Variants in AHRR observed in about 807,000 individuals in gnomAD.
AHRR encodes the protein aryl hydrocarbon receptor repressor.
A neutral mutation model predicts 44.0 loss-of-function variants in AHRR; 28 were observed. The ratio of observed to expected loss-of-function variants is 0.64; its 90% CI spans 0.47 to 0.87. The LOEUF is 0.87. Ranked by LOEUF, AHRR falls within the 40% of genes least tolerant of loss-of-function variation. The probability of loss-of-function intolerance (pLI) is 0.00; values close to 1 mark genes in which losing one functional copy is unlikely to be tolerated. For missense variants in AHRR, 990 were observed against 953.9 expected, an observed-to-expected ratio of 1.04 and a Z score of -0.50; for synonymous variants, 434 against 407.0, an observed-to-expected ratio of 1.07 and a Z score of -0.80.
At position 344,861 on chromosome 5, in the gene AHRR, A is replaced by G. The variant is rs1249310246; in HGVS notation, c.62+897A>G. On this transcript the variant is annotated intron_variant, in intron 2 of 10. Transcript: ENST00000684583. Reference sequence around the variant, plus strand: ...GAGCTGTGTGTGTGGGGTGTGTGAGACTGTGCAGGTGTGCAGGTGTGCGAA... The same window carrying G: ...GAGCTGTGTGTGTGGGGTGTGTGAGGCTGTGCAGGTGTGCAGGTGTGCGAA... 3.2e-4 allele frequency among the ~76,000 whole-genome samples: 23 copies of G among 72,904 alleles called. 3 individuals are homozygous for G. The highest frequency in any genetic ancestry group is 4.6e-4 in the African/African-American group (4 of 8,760). 47.8% of individuals were successfully genotyped at this position (72,904 alleles called of 152,430 possible).
Position 370,539 on chromosome 5 carries a change from G to C in AHRR, c.245-6071G>C, listed in dbSNP as rs987858857. Among the ~76,000 whole-genome samples, 1 of 152,200 alleles carries C rather than the reference G, an allele frequency of 6.6e-6. No individual in the cohort carries two copies. On this transcript the variant is annotated intron_variant, in intron 3 of 10. Coordinates refer to ENST00000684583, the MANE Select transcript of AHRR (RefSeq NM_001377236.1). The surrounding 1 kb of genome is among the most constrained non-coding windows in gnomAD (Gnocchi z 4.5). ...GGTCATCCGCCACCCCCAGGACCCT[G>C]AGAGTCTCACAGTGGGTGCAGCCCC...
chr5:403,711 C>A, intron 4 of AHRR: 3 of 822,228 alleles, frequency 3.6e-6, no homozygotes, highest in Admixed American at 2.4e-5. Flanking sequence ...CTCTCAGAGG[C>A]ATATTTTTCC....
chr5:343,902 G>T lies in AHRR; in HGVS notation c.-1G>T, dbSNP rs1257488327. On this transcript the variant is annotated 5_prime_UTR_variant, in exon 2 of 11. Coordinates refer to ENST00000684583, the MANE Select transcript of AHRR (RefSeq NM_001377236.1). ...CCCCCTTGTCTTCCAGGCCGAGGAC[G>T]ATGATCCCGCCGGGGGAGTGCACGT... The T allele has an allele frequency of 6.2e-7, 1 of 1,600,304 alleles. No homozygotes were observed. The highest frequency in any genetic ancestry group is 2.3e-5 in the East Asian group (1 of 43,124).
At chr5:343,548 G>T in intron 1 of AHRR, 2 of 326,720 alleles carry the variant, frequency 6.1e-6, no homozygotes, top group South Asian at 4.3e-5. Context: ...GCCCCGCCCC[G>T]CCCGTTCCTG....
intron 3 of AHRR, among the ~76,000 whole-genome samples, chr5:368,787 G>A (rs1743463845): frequency 6.6e-6 from 1 of 152,232 alleles, no homozygotes; most frequent in African/African-American, 2.4e-5. Context: ...AGAAACGCGT[G>A]GGCACTGCCA....
chr5:350,629 G>T (rs552250450), intron 2 of AHRR, among the ~76,000 whole-genome samples: 1 of 152,100 alleles, frequency 6.6e-6, no homozygotes. Context: ...GTTTTCTGGG[G>T]AGGTCTTGGG....
intron 2 of AHRR, among the ~76,000 whole-genome samples, chr5:345,030 G>T (rs984475731): frequency 7.0e-6 from 1 of 142,038 alleles, no homozygotes; most frequent in Admixed American, 7.0e-5. Flanking sequence ...GTGCGAGGGG[G>T]ACTATGTGTG....
In AHRR at chr5:419,567, C is replaced by T. The variant is rs557539892; in HGVS notation, c.442-3162C>T. 2.8e-4 allele frequency among the ~76,000 whole-genome samples: 43 copies of T among 152,132 alleles called. No homozygotes were observed. Among genetic ancestry groups the T allele is most frequent in the Non-Finnish European group, 4.4e-4 (30 of 68,016 alleles). On this transcript the variant is annotated intron_variant, in intron 5 of 10. Coordinates refer to ENST00000684583, the MANE Select transcript of AHRR (RefSeq NM_001377236.1). This position sits in a 1 kb window ranked among gnomAD's most constrained non-coding sequence, Gnocchi z 4.4. ...TTGCCTCTGGATGCTGGTTCCTCTG[C>T]GTTTCACTTCTAAAAAACTGGCCCT...
At position 337,927 on chromosome 5, in the gene AHRR, A is replaced by G. The variant is rs1284547343; in HGVS notation, c.-10-5966A>G. 6.6e-6 allele frequency among the ~76,000 whole-genome samples: 1 copy of G among 152,244 alleles called. No individual in the cohort carries two copies. Among genetic ancestry groups the G allele is most frequent in the East Asian group, 1.9e-4 (1 of 5,200 alleles). ...TCCTGCTGGGCTCCTCTAGGACCGT[A>G]TTCAGGCCAGTGCAACATCATGCCC... On this transcript the variant is annotated intron_variant, in intron 1 of 10. Transcript: ENST00000684583. This position sits in a 1 kb window ranked among gnomAD's most constrained non-coding sequence, Gnocchi z 4.1.
At chr5:376,553 G>C in intron 3 of AHRR, 57 bp from the exon 4 acceptor site, 3 of 298,208 alleles carry the variant, frequency 1.0e-5, no homozygotes, top group Non-Finnish European at 1.6e-5. Context: ...TGTGAATGAA[G>C]AAGAGTGGCC....
intron 1 of AHRR, among the ~76,000 whole-genome samples, chr5:333,501 C>T (rs1358136328): frequency 1.3e-5 from 2 of 151,936 alleles, no homozygotes; most frequent in Non-Finnish European, 2.9e-5. Flanking sequence ...GAGGCTGGGG[C>T]AGGAGAGTCA....
chr5:340,688 A>ATATATATATATATATATATTT (rs1269938749), intron 1 of AHRR, among the ~76,000 whole-genome samples: 1 of 12,928 alleles, frequency 7.7e-5, no homozygotes, highest in Non-Finnish European at 1.3e-4. Context: ...ATATATATAT[A>ATATATATATATATATATATTT]TTTTTTTTTT....
At chr5:334,189 G>A (rs1579589039) in intron 1 of AHRR, among the ~76,000 whole-genome samples, 1 of 152,230 alleles carries the variant, frequency 6.6e-6, no homozygotes, top group African/African-American at 2.4e-5. Flanking sequence ...GGTGCACTGT[G>A]GTAGTGTCTT....
intron 8 of AHRR, among the ~76,000 whole-genome samples, chr5:428,525 A>G (rs1335208745): frequency 6.6e-6 from 1 of 152,222 alleles, no homozygotes; most frequent in Non-Finnish European, 1.5e-5. Flanking sequence ...TCAGAAGTAG[A>G]AAACACCCTG....
chr5:353,671 C>G, intron 2 of AHRR, 59 bp from the exon 3 acceptor site: 1 of 1,529,992 alleles, frequency 6.5e-7, no homozygotes, highest in Non-Finnish European at 8.8e-7. Context: ...GGTTTCCGCC[C>G]CAGGGGGCCT....
intron 3 of AHRR, among the ~76,000 whole-genome samples, chr5:354,938 T>C (rs554874360): frequency 4.6e-5 from 7 of 152,300 alleles, no homozygotes; most frequent in African/African-American, 1.7e-4. Context: ...TCACGCGCCG[T>C]GTCCTGCCAG....
chr5:404,347 T>C lies in AHRR; in HGVS notation c.352-8997T>C, dbSNP rs374421699. 4.2e-6 allele frequency: 2 copies of C among 480,416 alleles called. No individual in the cohort carries two copies. The highest frequency in any genetic ancestry group is 8.3e-6 in the Non-Finnish European group (2 of 241,650). The allele number at this position is 480,416 out of a possible 1,614,324, so 29.8% of individuals were successfully genotyped here. A position where few individuals can be genotyped will look rare whatever the true frequency, so the allele number is the denominator to read the frequency against. Reference sequence around the variant, plus strand: ...AAAAGCTGTTTCACTCTTTTTTTTTTCTTTTTTCCTTCATTCTGGGTGTCT... The same window carrying C: ...AAAAGCTGTTTCACTCTTTTTTTTTCCTTTTTTCCTTCATTCTGGGTGTCT... On this transcript the variant is annotated intron_variant, in intron 4 of 10. Transcript: ENST00000684583. This position sits in a 1 kb window ranked among gnomAD's most constrained non-coding sequence, Gnocchi z 4.1.
At chr5:420,375 C>A (rs553837427) in intron 5 of AHRR, among the ~76,000 whole-genome samples, 2 of 152,230 alleles carry the variant, frequency 1.3e-5, no homozygotes, top group South Asian at 2.1e-4. Context: ...AAGAAGGAGC[C>A]CCAGGCTGGG....
chr5:362,075 G>A (rs1743205326), intron 3 of AHRR, among the ~76,000 whole-genome samples: 1 of 152,184 alleles, frequency 6.6e-6, no homozygotes, highest in African/African-American at 2.4e-5. Context: ...GGGCCTCTAA[G>A]GAAGTTAAGT....
Sources: allele counts gnomAD v4.1 joint callset (sites outside exome capture counted in the v4.1 genomes callset), GRCh38; gene constraint gnomAD v4.1.1; non-coding constraint Gnocchi (gnomAD v3.1); transcripts MANE v1.5; gene names NCBI Gene and HGNC (gene_info 2026-07-23, HGNC 2026-07-21).